Variants in RAB11FIP4 observed in about 807,000 individuals in gnomAD.
RAB11FIP4 encodes rab11 family-interacting protein 4.
Under a neutral mutation model 74.3 loss-of-function variants are expected in RAB11FIP4, and 23 were observed. That is an observed-to-expected ratio of 0.31 (90% CI 0.22 to 0.44). RAB11FIP4 has a LOEUF of 0.44. RAB11FIP4 is among the 20% of genes least tolerant of loss of function. The pLI is 1.00. For missense variants in RAB11FIP4, 630 were observed against 863.9 expected (o/e 0.73, Z 3.39); for synonymous variants, 360 against 359.9 (o/e 1.00, Z 0.00).
chr17:31,512,775 C>T lies in RAB11FIP4; in HGVS notation c.337-4876C>T, dbSNP rs2072475810. ...CTTTCTGTGCAAACCCTGGGAACAC[C>T]AGGCCAAGCTCCAGGCCTGGACATG... On this transcript the variant is annotated intron_variant, in intron 3 of 14. Coordinates refer to ENST00000621161, the MANE Select transcript of RAB11FIP4 (RefSeq NM_032932.6). This position sits in a 1 kb window ranked among gnomAD's most constrained non-coding sequence, Gnocchi z 4.1. 6.7e-6 allele frequency among the ~76,000 whole-genome samples: 1 copy of T among 148,786 alleles called. No individual in the cohort carries two copies. The highest frequency in any genetic ancestry group is 2.2e-4 in the South Asian group (1 of 4,576).
chr17:31,417,416 A>AC (rs2151622119), intron 1 of RAB11FIP4, among the ~76,000 whole-genome samples: 1 of 152,110 alleles, frequency 6.6e-6, no homozygotes, highest in African/African-American at 2.4e-5. Flanking sequence ...GGCCCCTCTC[A>AC]CCCCACAGGC....
In RAB11FIP4 at chr17:31,497,003, G is replaced by C. The variant is rs776182966; in HGVS notation, c.337-20648G>C. 4.7e-4 allele frequency among the ~76,000 whole-genome samples: 71 copies of C among 152,208 alleles called. 1 individual carries two copies. The highest frequency in any genetic ancestry group is 3.9e-3 in the Admixed American group (60 of 15,280). On this transcript the variant is annotated intron_variant, in intron 3 of 14. Coordinates refer to ENST00000621161, the MANE Select transcript of RAB11FIP4 (RefSeq NM_032932.6). The stretch of plus-strand genomic sequence containing the variant: ...TATTCTCATCTAAATAGTGGCTGAT[G>C]CACAGAAATACCTGGCACACAATAG...
chr17:31,466,721 TG>T (rs902665854), intron 3 of RAB11FIP4, among the ~76,000 whole-genome samples: 3 of 152,176 alleles, frequency 2.0e-5, no homozygotes, highest in Admixed American at 6.5e-5. Context: ...CTACACACTC[TG>T]GGGTTGGGGT....
intron 1 of RAB11FIP4, among the ~76,000 whole-genome samples, chr17:31,430,265 T>G (rs1361016297): frequency 1.3e-5 from 2 of 151,278 alleles, no homozygotes; most frequent in East Asian, 1.9e-4. Flanking sequence ...GCAGCTAGAG[T>G]ACAGTGAGTG....
At chr17:31,501,945 G>A (rs2142771243) in intron 3 of RAB11FIP4, among the ~76,000 whole-genome samples, 1 of 152,292 alleles carries the variant, frequency 6.6e-6, no homozygotes, top group East Asian at 1.9e-4. Context: ...CCCGGGCATA[G>A]TGGCTCACGG....
At chr17:31,489,001 C>T (rs1041732484) in intron 3 of RAB11FIP4, among the ~76,000 whole-genome samples, 5 of 152,256 alleles carry the variant, frequency 3.3e-5, no homozygotes, top group African/African-American at 9.6e-5. Context: ...CCAGTGCCTT[C>T]TCTTTCCCTT....
At chr17:31,444,918 T>C (rs1190459774) in intron 3 of RAB11FIP4, among the ~76,000 whole-genome samples, 3 of 152,176 alleles carry the variant, frequency 2.0e-5, no homozygotes, top group African/African-American at 7.2e-5. Context: ...ATGAGTCTAG[T>C]GCAGTGCATT....
chr17:31,513,420 T>C (rs921601529), intron 3 of RAB11FIP4, among the ~76,000 whole-genome samples: 1 of 152,344 alleles, frequency 6.6e-6, no homozygotes, highest in East Asian at 1.9e-4. Flanking sequence ...GAGGCTGCGT[T>C]CTGGCACCTT....
chr17:31,406,452 G>T (rs983833964), intron 1 of RAB11FIP4, among the ~76,000 whole-genome samples: 1 of 152,200 alleles, frequency 6.6e-6, no homozygotes. Context: ...AAAAATGGTC[G>T]TGTCTCCTCC....
Position 31,505,533 on chromosome 17 carries a change from A to T in RAB11FIP4, c.337-12118A>T, listed in dbSNP as rs1349066885. ...ATATAATAATTATATATTATATATA[A>T]TTATTATATATTATATATAATAATA... On this transcript the variant is annotated intron_variant, in intron 3 of 14. Transcript: ENST00000621161. 6.7e-5 allele frequency among the ~76,000 whole-genome samples: 6 copies of T among 89,354 alleles called. No individual in the cohort carries two copies. In the Admixed American group the frequency reaches 9.6e-4, roughly 14 times the overall value. The allele number at this position is 89,354 out of a possible 152,430, so 58.6% of individuals were successfully genotyped here. A position where few individuals can be genotyped will look rare whatever the true frequency, so the allele number is the denominator to read the frequency against.
At chr17:31,528,861 G>A (rs1806314250) in intron 13 of RAB11FIP4, 83 bp downstream of exon 13, 1 of 1,458,628 alleles carries the variant, frequency 6.9e-7, no homozygotes, top group Non-Finnish European at 9.2e-7. Flanking sequence ...CTGTGGTAGG[G>A]GAGCCCAGAG....
intron 1 of RAB11FIP4, among the ~76,000 whole-genome samples, chr17:31,410,874 C>A (rs1225635419): frequency 1.3e-5 from 2 of 152,216 alleles, no homozygotes; most frequent in Non-Finnish European, 2.9e-5. Flanking sequence ...ATCTGGATTC[C>A]CCTCTCAGGG....
In RAB11FIP4 at chr17:31,537,293, G is replaced by C. The variant is rs181119213; in HGVS notation, c.*5561G>C. On this transcript the variant is annotated 3_prime_UTR_variant, in exon 15 of 15. Coordinates refer to ENST00000621161, the MANE Select transcript of RAB11FIP4 (RefSeq NM_032932.6). ...GAGGCCAGCTCTCCCGGGCACATTCGTCCACAAGGATCAGGCCCCACTTAC... is the reference window on the plus strand; with the variant it reads ...GAGGCCAGCTCTCCCGGGCACATTCCTCCACAAGGATCAGGCCCCACTTAC... 3 of 398,482 alleles carry C rather than the reference G, an allele frequency of 7.5e-6. No individual in the cohort carries two copies. Among genetic ancestry groups the C allele is most frequent in the Non-Finnish European group, 1.3e-5 (3 of 226,098 alleles). 24.7% of individuals were successfully genotyped at this position (398,482 alleles called of 1,614,324 possible). A position where few individuals can be genotyped will look rare whatever the true frequency, so the allele number is the denominator to read the frequency against.
chr17:31,472,202 G>C (rs1451355200), intron 3 of RAB11FIP4, among the ~76,000 whole-genome samples: 1 of 152,018 alleles, frequency 6.6e-6, no homozygotes, highest in Non-Finnish European at 1.5e-5. Context: ...ACAGGAAAGG[G>C]GCTGCCCACC....
At chr17:31,510,466 C>T (rs2072431971) in intron 3 of RAB11FIP4, among the ~76,000 whole-genome samples, 1 of 152,262 alleles carries the variant, frequency 6.6e-6, no homozygotes, top group African/African-American at 2.4e-5. Flanking sequence ...TTTACCCTGC[C>T]TTGTCCCCAC....
At chr17:31,471,170 C>T (rs1359662944) in intron 3 of RAB11FIP4, among the ~76,000 whole-genome samples, 2 of 151,512 alleles carry the variant, frequency 1.3e-5, no homozygotes, top group Non-Finnish European at 2.9e-5. Flanking sequence ...TCAAACGATC[C>T]TTCCACCCCA....
intron 3 of RAB11FIP4, among the ~76,000 whole-genome samples, chr17:31,444,212 T>C (rs928752509): frequency 2.0e-5 from 3 of 152,154 alleles, no homozygotes; most frequent in African/African-American, 7.2e-5. Flanking sequence ...CAAACAGCAC[T>C]GTGATTCACT....
intron 3 of RAB11FIP4, among the ~76,000 whole-genome samples, chr17:31,452,237 C>T (rs1186127177): frequency 2.0e-5 from 3 of 152,134 alleles, no homozygotes; most frequent in Non-Finnish European, 4.4e-5. Context: ...TTCACTGCTG[C>T]ACAGTGCCTG....
intron 3 of RAB11FIP4, among the ~76,000 whole-genome samples, chr17:31,435,457 C>T (rs896995218): frequency 9.2e-5 from 14 of 152,172 alleles, no homozygotes; most frequent in Admixed American, 2.6e-4. Context: ...TACAGAGAAA[C>T]AGTTGAAGGT....
Sources: gnomAD v4.1 joint callset for allele counts (sites outside exome capture counted in the v4.1 genomes callset) on GRCh38, gnomAD v4.1.1 for gene constraint, Gnocchi (gnomAD v3.1) non-coding constraint, MANE v1.5 for transcripts, NCBI Gene and HGNC (gene_info 2026-07-23, HGNC 2026-07-21) for gene names.